The following CAPZA1 variants were observed in gnomAD, a reference collection of about 807,000 sequenced individuals.
CAPZA1 encodes the protein F-actin-capping protein subunit alpha-1.
Under a neutral mutation model 40.8 loss-of-function variants are expected in CAPZA1, and 10 were observed. The ratio of observed to expected loss-of-function variants is 0.25; its 90% CI spans 0.15 to 0.42. The LOEUF (loss-of-function observed/expected upper bound fraction) is 0.42. Ranked by LOEUF, CAPZA1 falls within the 10% of genes least tolerant of loss-of-function variation. CAPZA1 has a pLI of 1.00. For missense variants in CAPZA1, 277 were observed against 353.8 expected (o/e 0.78, Z 1.74); for synonymous variants, 98 against 115.0 (o/e 0.85, Z 0.95).
intron 1 of CAPZA1, among the ~76,000 whole-genome samples, chr1:112,621,242 A>G (rs1401102778): frequency 6.6e-6 from 1 of 152,242 alleles, no homozygotes; most frequent in African/African-American, 2.4e-5. Context: ...AATAGTTACT[A>G]TTCAAATAAA....
At chr1:112,652,979 G>A (rs1294535613) in intron 3 of CAPZA1, among the ~76,000 whole-genome samples, 2 of 152,130 alleles carry the variant, frequency 1.3e-5, no homozygotes, top group African/African-American at 4.8e-5. Flanking sequence ...CTTGACTCAT[G>A]CTCAACTCTC....
At position 112,669,643 on chromosome 1, in the gene CAPZA1, T is replaced by C. The variant is rs552738523; in HGVS notation, c.720+38T>C. The C allele has an allele frequency of 2.3e-5, 31 of 1,370,144 alleles. No individual in the cohort carries two copies. In the East Asian group the frequency reaches 6.6e-4, roughly 29 times the overall value. 84.9% of individuals were successfully genotyped at this position (1,370,144 alleles called of 1,614,324 possible). On this transcript the variant is annotated intron_variant, in intron 9 of 9. Transcript: ENST00000263168. ...GGAGTTAATTTTCCTAGATCTACTA[T>C]CTTATTATTTCGCTGTTAGCATATT... is the stretch of plus-strand genomic sequence containing the variant.
chr1:112,654,459 T>C lies in CAPZA1; in HGVS notation c.220-6T>C. ...GTTACTCATATGTTTAATGATTCTT[T>C]GGAAGGTCTTAATTACAGAGCACGG... On this transcript the variant is annotated splice_polypyrimidine_tract_variant and splice_region_variant and intron_variant, in intron 4 of 9. Transcript: ENST00000263168. 1 of 1,591,746 alleles carries C rather than the reference T, an allele frequency of 6.3e-7. No individual in the cohort carries two copies. The highest frequency in any genetic ancestry group is 8.6e-7 in the Non-Finnish European group (1 of 1,163,648).
intron 1 of CAPZA1, among the ~76,000 whole-genome samples, chr1:112,632,720 A>G (rs1274664645): frequency 1.3e-5 from 2 of 152,224 alleles, no homozygotes; most frequent in African/African-American, 4.8e-5. Context: ...ATTATTCCCT[A>G]GAGTTTGTAG....
At chr1:112,636,467 T>G (rs949236325) in intron 1 of CAPZA1, among the ~76,000 whole-genome samples, 1 of 152,334 alleles carries the variant, frequency 6.6e-6, no homozygotes, top group East Asian at 1.9e-4. Context: ...TTTATTGTAA[T>G]ATTTAAATAT....
rs58051216 is a variant in CAPZA1, at chr1:112,670,362, CTT to C, written c.*248_*249del. 1,543 of 149,628 alleles carry C rather than the reference CTT, an allele frequency of 0.01. No homozygotes were observed. The highest frequency in any genetic ancestry group is 0.018 in the Middle Eastern group (5 of 282). The allele number at this position is 149,628 out of a possible 1,614,324, so 9.3% of individuals were successfully genotyped here. ...TATATCTACGTGTAAATCTTTTTTT[CTT>C]TTTTTTTTTTTTTTTTTGGTTAATT... On this transcript the variant is annotated 3_prime_UTR_variant, in exon 10 of 10. Coordinates refer to ENST00000263168, the MANE Select transcript of CAPZA1 (RefSeq NM_006135.3).
intron 1 of CAPZA1, among the ~76,000 whole-genome samples, chr1:112,636,123 T>G (rs1376785557): frequency 6.6e-6 from 1 of 152,208 alleles, no homozygotes; most frequent in Non-Finnish European, 1.5e-5. Context: ...TAAGCTACAG[T>G]TTTATAAATT....
rs554923726 is a variant in CAPZA1, at chr1:112,659,092, A to C, written c.497A>C (p.Lys166Thr). ...ACIESHQFQP[K>T]NFWNGRWRSE... ...ATTGAAAGCCACCAGTTTCAGCCTA[A>C]AAACTTCTGGTAAGAAGTAGATATT... is the stretch of plus-strand genomic sequence containing the variant. The change falls in exon 6 of 10, where the codon AAA (lysine) becomes ACA (threonine). Residue 166 changes from lysine to threonine, a missense_variant. This residue lies in a region of CAPZA1 where 192 missense variants were observed against 277.2 expected (regional missense o/e 0.69). Coordinates refer to ENST00000263168, the MANE Select transcript of CAPZA1 (RefSeq NM_006135.3). The C allele has an allele frequency of 6.2e-7, 1 of 1,609,770 alleles. No homozygotes were observed. Among genetic ancestry groups the C allele is most frequent in the African/African-American group, 1.3e-5 (1 of 74,944 alleles).
At chr1:112,639,902 C>G (rs1333683534) in intron 1 of CAPZA1, among the ~76,000 whole-genome samples, 1 of 130,184 alleles carries the variant, frequency 7.7e-6, no homozygotes. Context: ...CCGCCCCGTC[C>G]GGGAGGGAGG....
At chr1:112,619,986 T>A in intron 1 of CAPZA1, 103 bp downstream of exon 1, 1 of 928,816 alleles carries the variant, frequency 1.1e-6, no homozygotes, top group Non-Finnish European at 1.7e-6. Flanking sequence ...AAAAGAAGCT[T>A]CTTGGTCCAT....
chr1:112,638,809 C>T (rs560787360), intron 1 of CAPZA1, among the ~76,000 whole-genome samples: 1 of 151,242 alleles, frequency 6.6e-6, no homozygotes, highest in Admixed American at 6.6e-5. Flanking sequence ...GTAGCACATG[C>T]CTGTAATCCC....
At chr1:112,628,822 A>G (rs1017694013) in intron 1 of CAPZA1, among the ~76,000 whole-genome samples, 6 of 152,282 alleles carry the variant, frequency 3.9e-5, no homozygotes, top group Non-Finnish European at 8.8e-5. Flanking sequence ...TTTGACTACT[A>G]TTTCTTTCAC....
intron 2 of CAPZA1, among the ~76,000 whole-genome samples, chr1:112,647,589 A>G (rs1671305580): frequency 6.6e-6 from 1 of 152,228 alleles, no homozygotes; most frequent in South Asian, 2.1e-4. Flanking sequence ...TTTTATCGTT[A>G]TAGATCATAG....
intron 1 of CAPZA1, among the ~76,000 whole-genome samples, chr1:112,628,752 GC>G (rs1670862368): frequency 6.6e-6 from 1 of 152,142 alleles, no homozygotes; most frequent in Admixed American, 6.5e-5. Flanking sequence ...CAGTCTGCCC[GC>G]CCTTGGTTAA....
At chr1:112,665,178 GTT>G (rs55776312) in intron 7 of CAPZA1, among the ~76,000 whole-genome samples, 1 of 128,940 alleles carries the variant, frequency 7.8e-6, no homozygotes, top group Non-Finnish European at 1.6e-5. Context: ...GTTTTTTTGT[GTT>G]TTTTTTTTTT....
chr1:112,670,244 T>G lies in CAPZA1; in HGVS notation c.*112T>G. 7.9e-7 allele frequency: 1 copy of G among 1,262,878 alleles called. No homozygotes were observed. Among genetic ancestry groups the G allele is most frequent in the African/African-American group, 1.5e-5 (1 of 66,384 alleles). The allele number at this position is 1,262,878 out of a possible 1,614,324, so 78.2% of individuals were successfully genotyped here. On this transcript the variant is annotated 3_prime_UTR_variant, in exon 10 of 10. Coordinates refer to ENST00000263168, the MANE Select transcript of CAPZA1 (RefSeq NM_006135.3). ...TGATATTTTGCTAGGGCTTTCAAAG[T>G]TAACCGGTTTTCTAGCCTCATGGAA...
chr1:112,649,806 C>A, intron 3 of CAPZA1: 3 of 281,208 alleles, frequency 1.1e-5, no homozygotes, highest in Non-Finnish European at 2.0e-5. Flanking sequence ...GAATGATCTG[C>A]CAGTGAGGAA....
At chr1:112,625,402 T>A (rs1375213359) in intron 1 of CAPZA1, among the ~76,000 whole-genome samples, 1 of 151,986 alleles carries the variant, frequency 6.6e-6, no homozygotes, top group Non-Finnish European at 1.5e-5. Flanking sequence ...CACACCCAGG[T>A]GTGTGTTTTA....
At chr1:112,625,697 G>A (rs1398508391) in intron 1 of CAPZA1, among the ~76,000 whole-genome samples, 4 of 152,162 alleles carry the variant, frequency 2.6e-5, no homozygotes, top group Non-Finnish European at 5.9e-5. Flanking sequence ...TGTGTTCACA[G>A]GACTTTCAGC....
Sources: allele counts gnomAD v4.1 joint callset (sites outside exome capture counted in the v4.1 genomes callset), GRCh38; gene constraint gnomAD v4.1.1; regional missense constraint gnomAD v4.1.1; transcripts MANE v1.5; gene names NCBI Gene and HGNC (gene_info 2026-07-23, HGNC 2026-07-21).